KHDRBS2: variants seen among roughly 807,000 people sequenced by gnomAD.
The protein encoded by KHDRBS2 is KH domain-containing, RNA-binding, signal transduction-associated protein 2.
KHDRBS2 carries 26 observed loss-of-function variants against 44.3 expected under a neutral mutation model. The ratio of observed to expected loss-of-function variants is 0.59; its 90% CI spans 0.43 to 0.81. The LOEUF (loss-of-function observed/expected upper bound fraction) is 0.81, where lower values mean the gene tolerates loss of function less well. KHDRBS2 is among the 40% of genes least tolerant of loss of function. The pLI is 0.00. For missense variants in KHDRBS2, 476 were observed against 433.1 expected, an observed-to-expected ratio of 1.10 and a Z score of -0.88; for synonymous variants, 194 against 151.1, an observed-to-expected ratio of 1.28 and a Z score of -2.08.
At chr6:61,987,952 T>A (rs1016484970) in intron 3 of KHDRBS2, among the ~76,000 whole-genome samples, 1 of 151,708 alleles carries the variant, frequency 6.6e-6, no homozygotes, top group African/African-American at 2.4e-5. Flanking sequence ...CAATACTCAC[T>A]AGATTCATGA....
chr6:61,993,327 A>G (rs1487036986), intron 3 of KHDRBS2, among the ~76,000 whole-genome samples: 1 of 152,082 alleles, frequency 6.6e-6, no homozygotes, highest in Non-Finnish European at 1.5e-5. Context: ...CTATATTTAC[A>G]TAGGGCTTAG....
At chr6:61,934,679 A>G (rs1810705815) in intron 4 of KHDRBS2, among the ~76,000 whole-genome samples, 1 of 152,212 alleles carries the variant, frequency 6.6e-6, no homozygotes, top group Non-Finnish European at 1.5e-5. Flanking sequence ...AACTAAAAGA[A>G]ATAAACTTCA....
chr6:61,941,213 A>G (rs555725801), intron 4 of KHDRBS2, among the ~76,000 whole-genome samples: 1 of 152,270 alleles, frequency 6.6e-6, no homozygotes, highest in South Asian at 2.1e-4. Context: ...GGTTGGGCAT[A>G]CACACCATAG....
intron 2 of KHDRBS2, among the ~76,000 whole-genome samples, chr6:62,063,057 C>A (rs1371112816): frequency 1.4e-5 from 2 of 146,178 alleles, no homozygotes; most frequent in Non-Finnish European, 3.0e-5. Flanking sequence ...TCGACACATA[C>A]ACTCTCCCAA....
At chr6:62,187,759 T>C (rs1286824976) in intron 1 of KHDRBS2, among the ~76,000 whole-genome samples, 4 of 152,108 alleles carry the variant, frequency 2.6e-5, no homozygotes, top group Non-Finnish European at 5.9e-5. Context: ...AGGTGAAATC[T>C]ATCCTCTTAA....
At chr6:61,562,916 A>C in the KHDRBS2 span, among the ~76,000 whole-genome samples, 1 of 152,162 alleles carries the variant, frequency 6.6e-6, no homozygotes, top group South Asian at 2.1e-4. Flanking sequence ...ACATGTATAT[A>C]ATGCGTTATA....
At chr6:61,817,694 T>C (rs1199271752) in intron 6 of KHDRBS2, among the ~76,000 whole-genome samples, 1 of 152,108 alleles carries the variant, frequency 6.6e-6, no homozygotes, top group Non-Finnish European at 1.5e-5. Flanking sequence ...CTTAAAGCTG[T>C]GGTTTTGTAT....
At chr6:61,888,569 T>A (rs966131659) in intron 6 of KHDRBS2, among the ~76,000 whole-genome samples, 61 of 149,332 alleles carry the variant, frequency 4.1e-4, no homozygotes, top group African/African-American at 1.4e-3. Context: ...TCCTTTTTTT[T>A]TTTTTTTTTT....
At chr6:61,849,194 T>C (rs1483899319) in intron 6 of KHDRBS2, among the ~76,000 whole-genome samples, 3 of 152,088 alleles carry the variant, frequency 2.0e-5, no homozygotes, top group Non-Finnish European at 4.4e-5. Context: ...CTAATATTTC[T>C]TGTTAAATCG....
chr6:62,245,659 G>A (rs1164631497), intron 1 of KHDRBS2, among the ~76,000 whole-genome samples: 1 of 152,054 alleles, frequency 6.6e-6, no homozygotes, highest in South Asian at 2.1e-4. Flanking sequence ...AGGAATATGA[G>A]TGTCATACAA....
intron 4 of KHDRBS2, among the ~76,000 whole-genome samples, chr6:61,943,066 A>G (rs1812472341): frequency 6.6e-6 from 1 of 151,154 alleles, no homozygotes; most frequent in Non-Finnish European, 1.5e-5. Flanking sequence ...GGAAGGAAGG[A>G]AGGAAAGAAA....
At chr6:61,908,784 G>A (rs1805523953) in intron 4 of KHDRBS2, among the ~76,000 whole-genome samples, 2 of 152,046 alleles carry the variant, frequency 1.3e-5, no homozygotes. Context: ...AAAAATGTAA[G>A]TTATATCTAG....
the KHDRBS2 span, among the ~76,000 whole-genome samples, chr6:61,576,173 G>T: frequency 6.6e-6 from 1 of 151,812 alleles, no homozygotes; most frequent in Non-Finnish European, 1.5e-5. Context: ...ATTGCCTCGG[G>T]CAGTATGATC....
chr6:62,275,792 G>A (rs9454832), intron 1 of KHDRBS2, among the ~76,000 whole-genome samples: 25,465 of 151,878 alleles, frequency 0.17, 2,338 homozygotes, highest in African/African-American at 0.25. Flanking sequence ...TTGGACATTT[G>A]CCTAACCTCT....
chr6:62,228,738 T>A (rs553925680), intron 1 of KHDRBS2, among the ~76,000 whole-genome samples: 10 of 152,278 alleles, frequency 6.6e-5, no homozygotes, highest in Non-Finnish European at 1.0e-4. Context: ...TGTCTCTTTG[T>A]TCTCATTGGT....
At chr6:61,945,729 T>C (rs1035227709) in intron 4 of KHDRBS2, among the ~76,000 whole-genome samples, 7 of 151,738 alleles carry the variant, frequency 4.6e-5, no homozygotes, top group African/African-American at 1.7e-4. Context: ...ATGTCTTAGA[T>C]ATAAATAAAT....
the KHDRBS2 span, among the ~76,000 whole-genome samples, chr6:61,577,902 A>G: frequency 6.6e-6 from 1 of 152,208 alleles, no homozygotes; most frequent in Non-Finnish European, 1.5e-5. Flanking sequence ...TTTTAATTCA[A>G]TGATGATTTC....
chr6:61,594,688 C>T, the KHDRBS2 span, among the ~76,000 whole-genome samples: 1 of 152,086 alleles, frequency 6.6e-6, no homozygotes, highest in Non-Finnish European at 1.5e-5. Flanking sequence ...AACATTATTA[C>T]TTTTTGGACA....
chr6:61,804,880 C>T (rs1038158620), intron 6 of KHDRBS2, among the ~76,000 whole-genome samples: 8 of 152,128 alleles, frequency 5.3e-5, no homozygotes, highest in African/African-American at 9.7e-5. Flanking sequence ...AGAACTGCCA[C>T]GAAGGCCTCT....
Sources: gnomAD v4.1 joint callset for allele counts (sites outside exome capture counted in the v4.1 genomes callset) on GRCh38, gnomAD v4.1.1 for gene constraint, MANE v1.5 for transcripts, NCBI Gene and HGNC (gene_info 2026-07-23, HGNC 2026-07-21) for gene names.